The following VIT variants were observed in gnomAD, a reference collection of about 807,000 sequenced individuals.
The protein encoded by VIT is vitrin.
In VIT, 99 loss-of-function variants were observed where a neutral mutation model predicts 78.0. That is an observed-to-expected ratio of 1.27 (90% CI 1.08 to 1.50). The LOEUF is 1.50. Among genes scored for constraint, VIT ranks in the 40% most tolerant of loss-of-function variants. VIT has a pLI of 0.00. For synonymous variants in VIT, 374 were observed against 334.3 expected (o/e 1.12, Z -1.29); for missense variants, 1,126 against 875.3 (o/e 1.29, Z -3.61).
chr2:36,801,911 G>A (rs1441426647), intron 13 of VIT, among the ~76,000 whole-genome samples: 1 of 152,268 alleles, frequency 6.6e-6, no homozygotes, highest in South Asian at 2.1e-4. Context: ...TTGCAAGAAG[G>A]GGTAGCATTC....
At chr2:36,772,403 G>A (rs533459756) in intron 7 of VIT, among the ~76,000 whole-genome samples, 1 of 152,282 alleles carries the variant, frequency 6.6e-6, no homozygotes, top group African/African-American at 2.4e-5. Flanking sequence ...GGGCATGGTG[G>A]CACATGCTTG....
intron 3 of VIT, among the ~76,000 whole-genome samples, chr2:36,730,877 G>A (rs1031133432): frequency 6.6e-6 from 1 of 152,196 alleles, no homozygotes; most frequent in Non-Finnish European, 1.5e-5. Flanking sequence ...TGGGGAGTAC[G>A]TGCTGATTGG....
At chr2:36,794,091 G>A (rs1181292816) in intron 12 of VIT, among the ~76,000 whole-genome samples, 2 of 152,118 alleles carry the variant, frequency 1.3e-5, no homozygotes, top group Non-Finnish European at 2.9e-5. Flanking sequence ...GCCTTCCTAG[G>A]AATCAAACAC....
chr2:36,771,411 G>A (rs530876065), intron 7 of VIT, among the ~76,000 whole-genome samples: 49 of 151,698 alleles, frequency 3.2e-4, no homozygotes, highest in African/African-American at 2.4e-4. Context: ...CTGTAATACC[G>A]GCTACTCAGG....
chr2:36,704,897 T>C (rs1665316256), intron 1 of VIT, among the ~76,000 whole-genome samples: 1 of 152,128 alleles, frequency 6.6e-6, no homozygotes, highest in African/African-American at 2.4e-5. Context: ...TGAGAATGTT[T>C]TGCTGTGCTT....
chr2:36,726,519 A>G (rs993685983), intron 2 of VIT, among the ~76,000 whole-genome samples: 15 of 152,218 alleles, frequency 9.9e-5, no homozygotes, highest in Non-Finnish European at 1.9e-4. Context: ...AACAGCCAAC[A>G]TTCACTTTTT....
intron 3 of VIT, among the ~76,000 whole-genome samples, chr2:36,731,505 C>G (rs1260584026): frequency 6.6e-6 from 1 of 152,146 alleles, no homozygotes; most frequent in Non-Finnish European, 1.5e-5. Context: ...GATCTCCTGA[C>G]CTCATGATCC....
chr2:36,778,250 T>C (rs939726380), intron 9 of VIT, among the ~76,000 whole-genome samples: 1 of 152,236 alleles, frequency 6.6e-6, no homozygotes, highest in African/African-American at 2.4e-5. Flanking sequence ...CCCCACACTC[T>C]CCTACTCCAG....
At chr2:36,733,539 C>T (rs1011791101) in intron 3 of VIT, among the ~76,000 whole-genome samples, 3 of 150,894 alleles carry the variant, frequency 2.0e-5, no homozygotes, top group African/African-American at 7.3e-5. Flanking sequence ...ACAACAACTC[C>T]TTTGTAGCAA....
chr2:36,780,466 G>A (rs1450457752), intron 9 of VIT, among the ~76,000 whole-genome samples: 1 of 152,220 alleles, frequency 6.6e-6, no homozygotes, highest in African/African-American at 2.4e-5. Context: ...TTCTTGATCA[G>A]AATGTTTAAG....
At chr2:36,777,025 C>G (rs1319438602) in intron 9 of VIT, among the ~76,000 whole-genome samples, 6 of 147,210 alleles carry the variant, frequency 4.1e-5, no homozygotes, top group Non-Finnish European at 7.5e-5. Flanking sequence ...GGAGGCGGAG[C>G]TTGCAGTGAG....
intron 2 of VIT, among the ~76,000 whole-genome samples, chr2:36,728,120 A>C (rs1160471671): frequency 1.3e-5 from 2 of 152,026 alleles, no homozygotes; most frequent in African/African-American, 4.8e-5. Context: ...TAGTAGAGAC[A>C]GGGTTTCACC....
rs908381002 is a variant in VIT, at chr2:36,801,379, T to G, written c.1137T>G (p.Thr379=). 1.9e-6 allele frequency: 3 copies of G among 1,613,872 alleles called. No individual in the cohort carries two copies. The African/African-American group carries it at 4.0e-5, about 22-fold the overall frequency. The change falls in exon 13 of 16, where the codon ACT becomes ACG. Residue 379 remains threonine (T), a synonymous_variant. Transcript: ENST00000379242. Reference sequence around the variant, plus strand: ...TGAAGACAGCCATAGAGAAAATTACTCAGAGAGGAGGACTTTCTAATGTAG... The same window carrying G: ...TGAAGACAGCCATAGAGAAAATTACGCAGAGAGGAGGACTTTCTAATGTAG... The part of the protein sequence containing the change: ...RDLKTAIEKI[T]QRGGLSNVGR...
At chr2:36,734,577 G>A (rs1042247742) in intron 3 of VIT, among the ~76,000 whole-genome samples, 4 of 152,120 alleles carry the variant, frequency 2.6e-5, no homozygotes, top group Non-Finnish European at 4.4e-5. Context: ...AGTAGAAGAC[G>A]TATGGGAAAA....
At chr2:36,782,908 C>T (rs560821756) in intron 10 of VIT, among the ~76,000 whole-genome samples, 1 of 152,196 alleles carries the variant, frequency 6.6e-6, no homozygotes, top group Non-Finnish European at 1.5e-5. Context: ...TACTCATCTT[C>T]GTTCATTGTG....
chr2:36,708,098 T>C (rs1393979850), intron 1 of VIT, among the ~76,000 whole-genome samples: 1 of 150,310 alleles, frequency 6.7e-6, no homozygotes. Context: ...CACCACCACA[T>C]TGTAAAGGAC....
At chr2:36,724,135 C>T (rs1337673957) in intron 2 of VIT, among the ~76,000 whole-genome samples, 2 of 151,962 alleles carry the variant, frequency 1.3e-5, no homozygotes. Context: ...TCTCCTACCT[C>T]AGCCTCCCGA....
intron 7 of VIT, among the ~76,000 whole-genome samples, chr2:36,768,473 T>C (rs1479671183): frequency 6.6e-6 from 1 of 152,242 alleles, no homozygotes; most frequent in Non-Finnish European, 1.5e-5. Flanking sequence ...ACTTTGAATA[T>C]GCTAGCCCAT....
At chr2:36,748,534 T>A (rs1393634411) in intron 4 of VIT, among the ~76,000 whole-genome samples, 2 of 152,264 alleles carry the variant, frequency 1.3e-5, no homozygotes, top group African/African-American at 4.8e-5. Context: ...CTGTTGTTAA[T>A]GCTTCCAAAT....
Sources: allele counts gnomAD v4.1 joint callset (sites outside exome capture counted in the v4.1 genomes callset), GRCh38; gene constraint gnomAD v4.1.1; transcripts MANE v1.5; gene names NCBI Gene and HGNC (gene_info 2026-07-23, HGNC 2026-07-21).